Variants in PTPRN2 observed in about 807,000 individuals in gnomAD.
The protein encoded by PTPRN2 is protein tyrosine phosphatase receptor type N2, also known as receptor-type tyrosine-protein phosphatase N2.
Under a neutral mutation model 118.8 loss-of-function variants are expected in PTPRN2, and 74 were observed. That is an observed-to-expected ratio of 0.62 (90% CI 0.52 to 0.76). The LOEUF (loss-of-function observed/expected upper bound fraction) is 0.76. PTPRN2 is among the 30% of genes least tolerant of loss of function. The pLI, the probability that PTPRN2 is intolerant of heterozygous loss-of-function variation, is 0.00. For synonymous variants in PTPRN2, 641 were observed against 608.0 expected, an observed-to-expected ratio of 1.05 and a Z score of -0.80; for missense variants, 1,481 against 1,394.4, an observed-to-expected ratio of 1.06 and a Z score of -0.99.
At chr7:158,051,304 A>C (rs1413057225) in intron 11 of PTPRN2, among the ~76,000 whole-genome samples, 1 of 152,224 alleles carries the variant, frequency 6.6e-6, no homozygotes, top group Non-Finnish European at 1.5e-5. Flanking sequence ...TTCCAGATGT[A>C]ACCCAGTTCT....
chr7:158,082,420 C>A (rs1209449070), intron 10 of PTPRN2, among the ~76,000 whole-genome samples: 2 of 152,184 alleles, frequency 1.3e-5, no homozygotes, highest in African/African-American at 2.4e-5. Context: ...TCAGTCCCAA[C>A]CTCTGGTCTT....
intron 3 of PTPRN2, among the ~76,000 whole-genome samples, chr7:158,274,331 C>A (rs1798791979): frequency 3.4e-5 from 1 of 29,730 alleles, no homozygotes; most frequent in Admixed American, 2.3e-4. Flanking sequence ...ACAGGGGGAG[C>A]CGCAGACGCG....
chr7:158,136,717 C>A, intron 7 of PTPRN2, 22 bp from the exon 8 acceptor site: 2 of 1,612,532 alleles, frequency 1.2e-6, no homozygotes, highest in Non-Finnish European at 1.7e-6. Flanking sequence ...ACCAGTGTTA[C>A]CAAGACCCTC....
At chr7:157,878,340 G>C (rs1649567130) in intron 12 of PTPRN2, among the ~76,000 whole-genome samples, 1 of 150,288 alleles carries the variant, frequency 6.7e-6, no homozygotes, top group South Asian at 2.1e-4. Context: ...GGGGCTGGAA[G>C]GGTCAGTGTG....
rs111393563 is a variant in PTPRN2, at chr7:158,411,058, G to A, written c.163+78677C>T. Among the ~76,000 whole-genome samples the A allele has an allele frequency of 1.2e-3, 189 of 151,932 alleles. 1 individual carries two copies. Among genetic ancestry groups the A allele is most frequent in the African/African-American group, 4.2e-3 (175 of 41,412 alleles). ...CAGGCTGGGCTGCCCCTGCGAACCC[G>A]GGGCCCTCTCCTCCCTGGCACAGCC... On this transcript the variant is annotated intron_variant, in intron 2 of 22. Transcript: ENST00000389418.
At chr7:158,148,452 T>C (rs62480228) in intron 6 of PTPRN2, among the ~76,000 whole-genome samples, 1,151 of 10,440 alleles carry the variant, frequency 0.11, no homozygotes, top group Admixed American at 0.16. Context: ...CCCCATCTCA[T>C]GCCACACGTC....
rs57374556 is a variant in PTPRN2, at chr7:158,325,507, T to C, written c.164-8575A>G. 2.9e-3 allele frequency among the ~76,000 whole-genome samples: 439 copies of C among 152,362 alleles called. 3 individuals are homozygous for C. Among genetic ancestry groups the C allele is most frequent in the African/African-American group, 0.01 (432 of 41,582 alleles). ...TTGTTTGAAATAACCACAATGCGCA[T>C]ACCTATTCAATCATTTGTGTAAACA... On this transcript the variant is annotated intron_variant, in intron 2 of 22. Transcript: ENST00000389418.
chr7:158,471,456 G>A (rs543164995), intron 2 of PTPRN2, among the ~76,000 whole-genome samples: 22 of 152,180 alleles, frequency 1.4e-4, no homozygotes, highest in East Asian at 1.9e-4. Flanking sequence ...TTGGGAGGCC[G>A]ACGCGGGTGG....
In PTPRN2 at chr7:157,848,517, C is replaced by T. The variant is rs189422466; in HGVS notation, c.1788+50156G>A. Among the ~76,000 whole-genome samples the T allele has an allele frequency of 1.5e-3, 235 of 152,186 alleles. 3 individuals carry two copies. The highest frequency in any genetic ancestry group is 2.0e-3 in the Admixed American group (31 of 15,296). On this transcript the variant is annotated intron_variant, in intron 12 of 22. Transcript: ENST00000389418. ...CCTCTCTCACTCTGTCATGTGTGCC[C>T]GATATTTACGGAGCCCTCTCTCATT...
At chr7:157,948,115 A>T (rs938450616) in intron 11 of PTPRN2, among the ~76,000 whole-genome samples, 1 of 152,256 alleles carries the variant, frequency 6.6e-6, no homozygotes, top group African/African-American at 2.4e-5. Flanking sequence ...ACCAGAAGCC[A>T]TACAAGAAAA....
chr7:157,727,073 G>A (rs891197708), intron 12 of PTPRN2, among the ~76,000 whole-genome samples: 14 of 152,304 alleles, frequency 9.2e-5, no homozygotes, highest in East Asian at 5.8e-4. Flanking sequence ...ACAGGGTGGC[G>A]GTTCCTCAGA....
At chr7:158,111,187 G>C (rs905228191) in intron 9 of PTPRN2, among the ~76,000 whole-genome samples, 3 of 152,240 alleles carry the variant, frequency 2.0e-5, no homozygotes, top group Non-Finnish European at 4.4e-5. Context: ...CAATAAAGGG[G>C]AGAAGGGAGA....
At chr7:158,578,199 A>T (rs893856421) in intron 1 of PTPRN2, among the ~76,000 whole-genome samples, 5 of 152,174 alleles carry the variant, frequency 3.3e-5, no homozygotes, top group African/African-American at 1.2e-4. Flanking sequence ...TAGCATATCT[A>T]AAAAAAGTGT....
At chr7:158,519,168 C>T (rs1383539535) in intron 1 of PTPRN2, among the ~76,000 whole-genome samples, 1 of 152,144 alleles carries the variant, frequency 6.6e-6, no homozygotes, top group African/African-American at 2.4e-5. Context: ...CCAAGAACTT[C>T]CTTGGCTGAA....
intron 12 of PTPRN2, among the ~76,000 whole-genome samples, chr7:157,696,188 C>A (rs1395481519): frequency 6.8e-6 from 1 of 146,960 alleles, no homozygotes; most frequent in Non-Finnish European, 1.5e-5. Flanking sequence ...GAGCCCTCAC[C>A]ATCTACCCAT....
chr7:157,547,807 A>G (rs1798398188), intron 22 of PTPRN2, among the ~76,000 whole-genome samples: 2 of 152,188 alleles, frequency 1.3e-5, no homozygotes, highest in Non-Finnish European at 2.9e-5. Flanking sequence ...ACGCCTAGAC[A>G]AGAGACGTTC....
intron 2 of PTPRN2, among the ~76,000 whole-genome samples, chr7:158,341,749 G>T (rs200918003): frequency 4.4e-5 from 1 of 22,556 alleles, no homozygotes; most frequent in Non-Finnish European, 8.9e-5. Flanking sequence ...CACTCACACC[G>T]ACACTCTCAC....
chr7:158,245,516 C>A (rs541860228), intron 3 of PTPRN2, among the ~76,000 whole-genome samples: 3 of 152,182 alleles, frequency 2.0e-5, no homozygotes, highest in East Asian at 3.9e-4. Context: ...TGAGTCAAAC[C>A]AGGGGCCTTT....
At chr7:158,244,855 C>T (rs1233921513) in intron 3 of PTPRN2, among the ~76,000 whole-genome samples, 1 of 151,130 alleles carries the variant, frequency 6.6e-6, no homozygotes, top group Non-Finnish European at 1.5e-5. Context: ...GTATGGGGGG[C>T]GTGTGTTATA....
Sources: gnomAD v4.1 joint callset for allele counts (sites outside exome capture counted in the v4.1 genomes callset) on GRCh38, gnomAD v4.1.1 for gene constraint, MANE v1.5 for transcripts, NCBI Gene and HGNC (gene_info 2026-07-23, HGNC 2026-07-21) for gene names.